The following PIP4K2A variants were observed in gnomAD, a reference collection of about 807,000 sequenced individuals.
PIP4K2A encodes phosphatidylinositol 5-phosphate 4-kinase type-2 alpha.
In PIP4K2A, 14 loss-of-function variants were observed where a neutral mutation model predicts 42.9. That is an observed-to-expected ratio of 0.33 (90% CI 0.22 to 0.51). PIP4K2A has a LOEUF of 0.51. Ranked by LOEUF, PIP4K2A falls within the 20% of genes least tolerant of loss-of-function variation. The pLI, the probability that PIP4K2A is intolerant of heterozygous loss-of-function variation, is 0.97. For synonymous variants in PIP4K2A, 192 were observed against 192.2 expected, an observed-to-expected ratio of 1.00 and a Z score of 0.01; for missense variants, 434 against 519.8, an observed-to-expected ratio of 0.83 and a Z score of 1.61.
In PIP4K2A at chr10:22,699,072, G is replaced by C. The variant is rs150011747; in HGVS notation, c.144+15111C>G. On this transcript the variant is annotated intron_variant, in intron 1 of 9. Coordinates refer to ENST00000376573, the MANE Select transcript of PIP4K2A (RefSeq NM_005028.5). Reference sequence around the variant, plus strand: ...GAAAGTGAATTAGACAAAAAGATTAGCTTCTCCTAACCTATTTTTTTAATG... The same window carrying C: ...GAAAGTGAATTAGACAAAAAGATTACCTTCTCCTAACCTATTTTTTTAATG... 3.3e-3 allele frequency among the ~76,000 whole-genome samples: 504 copies of C among 152,254 alleles called. 4 individuals are homozygous for C. The highest frequency in any genetic ancestry group is 0.011 in the African/African-American group (472 of 41,554).
At chr10:22,704,165 A>G (rs1833766163) in intron 1 of PIP4K2A, among the ~76,000 whole-genome samples, 1 of 152,226 alleles carries the variant, frequency 6.6e-6, no homozygotes, top group African/African-American at 2.4e-5. Flanking sequence ...GAAATCATGT[A>G]GGTAAAGTAA....
chr10:22,544,216 G>A (rs1355607296), intron 7 of PIP4K2A, among the ~76,000 whole-genome samples: 2 of 151,924 alleles, frequency 1.3e-5, no homozygotes, highest in Non-Finnish European at 2.9e-5. Flanking sequence ...CATGGAACCT[G>A]CTTTCCCGTC....
intron 3 of PIP4K2A, among the ~76,000 whole-genome samples, chr10:22,601,292 T>A (rs143654975): frequency 3.3e-5 from 5 of 151,892 alleles, no homozygotes; most frequent in African/African-American, 1.2e-4. Flanking sequence ...CAAAGCAGGT[T>A]TGAGGCGGGA....
At chr10:22,657,004 CTTGAGGAAGCCTCTTCCAGTT>C (rs951875378) in intron 1 of PIP4K2A, among the ~76,000 whole-genome samples, 4 of 152,168 alleles carry the variant, frequency 2.6e-5, no homozygotes, top group Admixed American at 2.0e-4. Flanking sequence ...ACTCCCTGAG[CTTGAGGAAGCCTCTTCCAGTT>C]CCCAACGGGG....
intron 7 of PIP4K2A, among the ~76,000 whole-genome samples, chr10:22,545,849 G>T (rs1179921811): frequency 6.6e-6 from 1 of 152,068 alleles, no homozygotes; most frequent in African/African-American, 2.4e-5. Context: ...GATTACAGAG[G>T]TGCACCACCA....
At chr10:22,594,598 T>C (rs956754469) in intron 3 of PIP4K2A, among the ~76,000 whole-genome samples, 10 of 152,164 alleles carry the variant, frequency 6.6e-5, no homozygotes, top group Admixed American at 5.9e-4. Flanking sequence ...GTTTTGCCAT[T>C]CTGGCCAGGG....
At chr10:22,650,154 C>T (rs1038633861) in intron 1 of PIP4K2A, among the ~76,000 whole-genome samples, 1 of 152,196 alleles carries the variant, frequency 6.6e-6, no homozygotes, top group Admixed American at 6.5e-5. Context: ...TGGGCCACTC[C>T]CTTAGGGACT....
In PIP4K2A at chr10:22,664,104, C is replaced by CGTAT. The variant is rs773759044; in HGVS notation, c.144+50078_144+50079insATAC. On this transcript the variant is annotated intron_variant, in intron 1 of 9. Coordinates refer to ENST00000376573, the MANE Select transcript of PIP4K2A (RefSeq NM_005028.5). ...ATATATATATACATATATATATATA[C>CGTAT]ATATATATATACATATATATATATA... is the stretch of plus-strand genomic sequence containing the variant. 5.0e-4 allele frequency among the ~76,000 whole-genome samples: 25 copies of CGTAT among 50,342 alleles called. No homozygotes were observed. The African/African-American group carries it at 5.8e-3, about 12-fold the overall frequency. 33.0% of individuals were successfully genotyped at this position (50,342 alleles called of 152,430 possible).
At chr10:22,585,609 ATT>A (rs67526326) in intron 4 of PIP4K2A, among the ~76,000 whole-genome samples, 1,911 of 143,156 alleles carry the variant, frequency 0.013, 19 homozygotes, top group Middle Eastern at 0.066. Context: ...GTGCCTCTCA[ATT>A]TTTTTTTTTT....
At chr10:22,548,495 T>C (rs1467068026) in intron 7 of PIP4K2A, among the ~76,000 whole-genome samples, 1 of 152,208 alleles carries the variant, frequency 6.6e-6, no homozygotes, top group Non-Finnish European at 1.5e-5. Flanking sequence ...TAAGGGCTAC[T>C]TACCATAATT....
chr10:22,683,062 A>AAACAAC (rs59679229), intron 1 of PIP4K2A, among the ~76,000 whole-genome samples: 7 of 123,520 alleles, frequency 5.7e-5, no homozygotes, highest in Admixed American at 1.5e-4. Flanking sequence ...AGAAAAAGAA[A>AAACAAC]AACAACAACA....
intron 8 of PIP4K2A, among the ~76,000 whole-genome samples, chr10:22,540,395 A>G (rs1554792278): frequency 6.6e-6 from 1 of 151,694 alleles, no homozygotes; most frequent in Non-Finnish European, 1.5e-5. Context: ...ATTTTCTTTA[A>G]TAATTGTGTA....
chr10:22,634,141 G>A (rs953629240), intron 1 of PIP4K2A, among the ~76,000 whole-genome samples: 7 of 152,212 alleles, frequency 4.6e-5, no homozygotes, highest in Non-Finnish European at 1.0e-4. Flanking sequence ...GCAGCTGAGA[G>A]GCAATGCCAC....
chr10:22,589,143 A>G (rs1837457840), intron 4 of PIP4K2A, among the ~76,000 whole-genome samples: 1 of 152,250 alleles, frequency 6.6e-6, no homozygotes, highest in South Asian at 2.1e-4. Context: ...TTAGCATGGT[A>G]TCATGGCCAT....
At chr10:22,627,591 T>A (rs1419167) in intron 1 of PIP4K2A, among the ~76,000 whole-genome samples, 7,739 of 56,974 alleles carry the variant, frequency 0.14, 761 homozygotes, top group Middle Eastern at 0.23. Flanking sequence ...TAATATGTAA[T>A]AAAAAAAAAA....
At chr10:22,545,210 C>G (rs1008232552) in intron 7 of PIP4K2A, among the ~76,000 whole-genome samples, 1 of 152,190 alleles carries the variant, frequency 6.6e-6, no homozygotes, top group Non-Finnish European at 1.5e-5. Flanking sequence ...CTACCAAAGC[C>G]AAATACAAAC....
intron 1 of PIP4K2A, among the ~76,000 whole-genome samples, chr10:22,667,968 G>A (rs1466979590): frequency 6.6e-6 from 1 of 151,060 alleles, no homozygotes; most frequent in Non-Finnish European, 1.5e-5. Flanking sequence ...CAGACAGAAA[G>A]ACAGACAGAG....
In PIP4K2A at chr10:22,645,561, AAAAAG is replaced by A. The variant is rs947663742; in HGVS notation, c.145-35849_145-35845del. Among the ~76,000 whole-genome samples, 861 of 150,826 alleles carry A rather than the reference AAAAAG, an allele frequency of 5.7e-3. 4 individuals are homozygous for A. The highest frequency in any genetic ancestry group is 0.019 in the African/African-American group (756 of 40,626). On this transcript the variant is annotated intron_variant, in intron 1 of 9. Transcript: ENST00000376573. ...GATTCTATTTCTTTAAAAAAAAAAA[AAAAAG>A]AAAAGAAAAGAAAAGAAAGAAAAAG... is the stretch of plus-strand genomic sequence containing the variant.
In PIP4K2A at chr10:22,562,878, A is replaced by T. The variant is rs557157451; in HGVS notation, c.678+4973T>A. On this transcript the variant is annotated intron_variant, in intron 6 of 9. Transcript: ENST00000376573. ...ATCTCTGTTCTGACGCCACCCTGACATTTCAAATGCCTCCTCTCTCTCTAG... is the reference window on the plus strand; with the variant it reads ...ATCTCTGTTCTGACGCCACCCTGACTTTTCAAATGCCTCCTCTCTCTCTAG... Among the ~76,000 whole-genome samples the T allele has an allele frequency of 3.3e-5, 5 of 152,062 alleles. No homozygotes were observed. The South Asian group carries it at 1.0e-3, about 32-fold the overall frequency.
Sources: gnomAD v4.1 joint callset for allele counts (sites outside exome capture counted in the v4.1 genomes callset) on GRCh38, gnomAD v4.1.1 for gene constraint, MANE v1.5 for transcripts, NCBI Gene and HGNC (gene_info 2026-07-23, HGNC 2026-07-21) for gene names.